The following INVS variants were observed in gnomAD, a reference collection of about 807,000 sequenced individuals.
INVS encodes the protein inversion of embryo turning homolog.
Under a neutral mutation model 108.8 loss-of-function variants are expected in INVS, and 86 were observed. The observed-to-expected ratio is 0.79, with a 90% CI of 0.66 to 0.95. The LOEUF is 0.95. INVS is among the 40% of genes least tolerant of loss of function. The probability of loss-of-function intolerance (pLI) is 0.00; values close to 1 mark genes in which losing one functional copy is unlikely to be tolerated. For synonymous variants in INVS, 455 were observed against 473.5 expected, an observed-to-expected ratio of 0.96 and a Z score of 0.51; for missense variants, 1,169 against 1,297.4, an observed-to-expected ratio of 0.90 and a Z score of 1.52.
At chr9:100,286,605 G>A (rs1564191091) in intron 13 of INVS, among the ~76,000 whole-genome samples, 2 of 152,120 alleles carry the variant, frequency 1.3e-5, no homozygotes, top group African/African-American at 2.4e-5. Flanking sequence ...CCACTTTACA[G>A]TGTAATCCTT....
rs1588082613 is a variant in INVS at position 100,198,427 on chromosome 9, G to T, written c.274-27635G>T. ...ATTCTCCTGCCTCCAAAGTAGCTGG[G>T]ATTACAGGCATGCACCACCAGGTCC... is the stretch of plus-strand genomic sequence containing the variant. On this transcript the variant is annotated intron_variant, in intron 3 of 16. Transcript: ENST00000262457. Among the ~76,000 whole-genome samples, 9 of 150,496 alleles carry T rather than the reference G, an allele frequency of 6.0e-5. No homozygotes were observed. The South Asian group carries it at 1.9e-3, about 32-fold the overall frequency.
chr9:100,291,442 C>T (rs921332765), intron 13 of INVS, among the ~76,000 whole-genome samples: 1 of 152,038 alleles, frequency 6.6e-6, no homozygotes, highest in African/African-American at 2.4e-5. Context: ...GTTTAATCAA[C>T]GTGTGTGTGC....
In INVS at chr9:100,169,374, A is replaced by G. The variant is rs1002128048; in HGVS notation, c.273+42825A>G. Among the ~76,000 whole-genome samples, 4 of 152,196 alleles carry G rather than the reference A, an allele frequency of 2.6e-5. No individual in the cohort carries two copies. The South Asian group carries it at 6.2e-4, about 24-fold the overall frequency. The stretch of plus-strand genomic sequence containing the variant: ...TTTACATTTATGGTATAATGCCATC[A>G]TTTGGAGTATGAATGGAGAAGGTAT... On this transcript the variant is annotated intron_variant, in intron 3 of 16. Transcript: ENST00000262457.
At chr9:100,247,561 A>G (rs745611174) in intron 8 of INVS, among the ~76,000 whole-genome samples, 11 of 152,262 alleles carry the variant, frequency 7.2e-5, no homozygotes, top group Non-Finnish European at 1.2e-4. Context: ...TTATTTGTAG[A>G]AACATGCTAG....
intron 12 of INVS, among the ~76,000 whole-genome samples, chr9:100,282,048 C>T (rs1474343205): frequency 6.6e-6 from 1 of 152,278 alleles, no homozygotes; most frequent in East Asian, 1.9e-4. Context: ...AGACAGCCAC[C>T]CACATGTGTC....
chr9:100,118,102 A>C (rs1391637615), intron 2 of INVS, among the ~76,000 whole-genome samples: 2 of 126,980 alleles, frequency 1.6e-5, no homozygotes, highest in African/African-American at 6.1e-5. Flanking sequence ...GGGTCTTGCT[A>C]TGTTGGCCAT....
chr9:100,243,741 A>G lies in INVS; in HGVS notation c.906+1062A>G, dbSNP rs116089509. 5.3e-3 allele frequency among the ~76,000 whole-genome samples: 808 copies of G among 152,204 alleles called. 7 individuals are homozygous for G. Among genetic ancestry groups the G allele is most frequent in the African/African-American group, 0.018 (761 of 41,532 alleles). The stretch of plus-strand genomic sequence containing the variant: ...ATAATACTATCAGGCCGGACACAGT[A>G]GCTCACACCTGTAATCCCAGCACTT... On this transcript the variant is annotated intron_variant, in intron 7 of 16. Coordinates refer to ENST00000262457, the MANE Select transcript of INVS (RefSeq NM_014425.5).
At chr9:100,100,664 T>TTA (rs370614711) in intron 1 of INVS, among the ~76,000 whole-genome samples, 1 of 22,994 alleles carries the variant, frequency 4.3e-5, no homozygotes, top group Non-Finnish European at 6.1e-5. Context: ...AATATATATA[T>TTA]TATATATGTA....
chr9:100,109,647 C>A (rs909635513), intron 2 of INVS, among the ~76,000 whole-genome samples: 9 of 152,136 alleles, frequency 5.9e-5, no homozygotes, highest in African/African-American at 1.9e-4. Context: ...CTCTCTAAAT[C>A]ATTTCCTCTA....
chr9:100,274,224 G>GGTTAGCACCT (rs1833049643), intron 12 of INVS, among the ~76,000 whole-genome samples: 1 of 152,082 alleles, frequency 6.6e-6, no homozygotes, highest in Non-Finnish European at 1.5e-5. Context: ...TGGGCGTGGT[G>GGTTAGCACCT]GTTAGCACCT....
rs1833991419 is a variant in INVS, at chr9:100,302,069, A to AC, written c.*1395_*1396insC. The stretch of plus-strand genomic sequence containing the variant: ...TATTTTCATATATCAGTGCAAAGAA[A>AC]GAAGGTTCGTAAACTTCTTTAAAAG... On this transcript the variant is annotated 3_prime_UTR_variant, in exon 17 of 17. Transcript: ENST00000262457. The AC allele has an allele frequency of 3.4e-6, 2 of 581,624 alleles. No homozygotes were observed. Among genetic ancestry groups the AC allele is most frequent in the Non-Finnish European group, 5.8e-6 (2 of 345,726 alleles). 36.0% of individuals were successfully genotyped at this position (581,624 alleles called of 1,614,324 possible).
At chr9:100,300,278 G>GCC (rs750449341) in intron 16 of INVS, among the ~76,000 whole-genome samples, 13 of 152,220 alleles carry the variant, frequency 8.5e-5, no homozygotes, top group Non-Finnish European at 1.6e-4. Flanking sequence ...GAGAGACCCA[G>GCC]AGAGAGAATC....
At chr9:100,149,436 T>G (rs1828739245) in intron 3 of INVS, among the ~76,000 whole-genome samples, 1 of 152,212 alleles carries the variant, frequency 6.6e-6, no homozygotes, top group African/African-American at 2.4e-5. Context: ...CTAGCTAGGC[T>G]ACTTTCTCCA....
intron 12 of INVS, among the ~76,000 whole-genome samples, chr9:100,273,804 C>A (rs1411882652): frequency 6.6e-6 from 1 of 151,832 alleles, no homozygotes; most frequent in Non-Finnish European, 1.5e-5. Context: ...TCCCAAAGTG[C>A]TGGGATTACA....
intron 6 of INVS, among the ~76,000 whole-genome samples, chr9:100,242,327 A>G (rs1388763455): frequency 1.3e-5 from 2 of 152,224 alleles, no homozygotes; most frequent in Non-Finnish European, 2.9e-5. Context: ...CAGCCTGGCA[A>G]TTATACTTAA....
chr9:100,137,907 C>G (rs1828279171), intron 3 of INVS, among the ~76,000 whole-genome samples: 1 of 152,098 alleles, frequency 6.6e-6, no homozygotes, highest in African/African-American at 2.4e-5. Context: ...CCAACAAATA[C>G]TAAATTTAAA....
intron 3 of INVS, among the ~76,000 whole-genome samples, chr9:100,140,796 C>T (rs1169073542): frequency 7.2e-5 from 11 of 151,942 alleles, no homozygotes; most frequent in Admixed American, 7.2e-4. Context: ...TATTGTGGGA[C>T]TGTTAGGAGA....
intron 13 of INVS, among the ~76,000 whole-genome samples, chr9:100,290,396 C>T (rs1833574939): frequency 6.6e-6 from 1 of 152,224 alleles, no homozygotes; most frequent in Non-Finnish European, 1.5e-5. Flanking sequence ...GTCGCCTAGG[C>T]TGGAGTGCAG....
chr9:100,155,321 ATT>A (rs1828940212), intron 3 of INVS, among the ~76,000 whole-genome samples: 1 of 151,946 alleles, frequency 6.6e-6, no homozygotes, highest in Non-Finnish European at 1.5e-5. Context: ...ATTCAAGTGA[ATT>A]TATTATTTTT....
Sources: allele counts gnomAD v4.1 joint callset (sites outside exome capture counted in the v4.1 genomes callset), GRCh38; gene constraint gnomAD v4.1.1; transcripts MANE v1.5; gene names NCBI Gene and HGNC (gene_info 2026-07-23, HGNC 2026-07-21).